CHD6: variants seen among roughly 807,000 people sequenced by gnomAD.
CHD6 encodes chromodomain helicase DNA binding protein 6.
In CHD6, 50 loss-of-function variants were observed where a neutral mutation model predicts 276.9. The ratio of observed to expected loss-of-function variants is 0.18; its 90% CI spans 0.14 to 0.23. The LOEUF is 0.23. CHD6 is among the 10% of genes least tolerant of loss of function. CHD6 has a pLI of 1.00. For synonymous variants in CHD6, 1,173 were observed against 1,229.3 expected (o/e 0.95, Z 0.96); for missense variants, 2,564 against 3,365.8 (o/e 0.76, Z 5.89).
At chr20:41,511,619 C>T (rs1349522467) in intron 5 of CHD6, among the ~76,000 whole-genome samples, 1 of 152,162 alleles carries the variant, frequency 6.6e-6, no homozygotes, top group Non-Finnish European at 1.5e-5. Context: ...TTAGGTGATA[C>T]TCAAGGCCCT....
chr20:41,589,766 T>C (rs1434481243), intron 1 of CHD6, among the ~76,000 whole-genome samples: 1 of 152,208 alleles, frequency 6.6e-6, no homozygotes, highest in African/African-American at 2.4e-5. Context: ...ATAGGAAGAA[T>C]CAATATCGTG....
At chr20:41,514,234 G>C (rs1000148557) in intron 4 of CHD6, among the ~76,000 whole-genome samples, 13 of 152,144 alleles carry the variant, frequency 8.5e-5, no homozygotes, top group African/African-American at 3.1e-4. Flanking sequence ...GAATATCAGA[G>C]GAAACAAAGC....
At chr20:41,450,816 C>T in intron 23 of CHD6, 130 bp downstream of exon 23, 3 of 828,286 alleles carry the variant, frequency 3.6e-6, no homozygotes, top group Non-Finnish European at 5.8e-6. Context: ...CCACAGATAA[C>T]ACATCCTGTC....
chr20:41,487,087 A>G (rs1211772878), intron 14 of CHD6, among the ~76,000 whole-genome samples: 1 of 152,178 alleles, frequency 6.6e-6, no homozygotes, highest in African/African-American at 2.4e-5. Flanking sequence ...TCCCTAGTAG[A>G]GTATTTATTA....
intron 25 of CHD6, among the ~76,000 whole-genome samples, chr20:41,440,710 G>T (rs539520806): frequency 6.6e-6 from 1 of 152,312 alleles, no homozygotes; most frequent in South Asian, 2.1e-4. Context: ...TGACCCAGAA[G>T]AGGGGCCTCA....
In CHD6 at chr20:41,404,028, G is replaced by A. The variant is rs1330407364; in HGVS notation, c.*565C>T. ...AGGTTTTTGTTTTTTATAAAGAAAT[G>A]AATATATGTATTTTCAACCATTAGT... On this transcript the variant is annotated 3_prime_UTR_variant, in exon 37 of 37. Transcript: ENST00000373233. 1 of 1,048,718 alleles carries A rather than the reference G, an allele frequency of 9.5e-7. No homozygotes were observed. The highest frequency in any genetic ancestry group is 5.5e-5 in the East Asian group (1 of 18,198). 65.0% of individuals were successfully genotyped at this position (1,048,718 alleles called of 1,614,324 possible). A position where few individuals can be genotyped will look rare whatever the true frequency, so the allele number is the denominator to read the frequency against.
intron 25 of CHD6, among the ~76,000 whole-genome samples, chr20:41,443,269 T>C (rs1239119426): frequency 6.6e-6 from 1 of 152,222 alleles, no homozygotes; most frequent in East Asian, 1.9e-4. Flanking sequence ...GGGCTGACTC[T>C]ATCTCCAATA....
chr20:41,439,858 A>T, intron 26 of CHD6, 142 bp downstream of exon 26: 1 of 774,958 alleles, frequency 1.3e-6, no homozygotes, highest in Non-Finnish European at 2.1e-6. Flanking sequence ...AGTAGCAATT[A>T]TGGAAAACAG....
At chr20:41,511,248 T>G (rs2044110828) in intron 5 of CHD6, among the ~76,000 whole-genome samples, 1 of 152,226 alleles carries the variant, frequency 6.6e-6, no homozygotes, top group African/African-American at 2.4e-5. Context: ...ATATTTGTGC[T>G]GCTACTGCTC....
chr20:41,472,939 A>C (rs2294566), intron 17 of CHD6: 39,453 of 168,982 alleles, frequency 0.23, 4,836 homozygotes, highest in East Asian at 0.39. Context: ...TAACTCGTTT[A>C]CTGTACATGA....
At chr20:41,444,847 T>C (rs1042285612) in intron 25 of CHD6, among the ~76,000 whole-genome samples, 6 of 152,152 alleles carry the variant, frequency 3.9e-5, no homozygotes, top group Non-Finnish European at 8.8e-5. Context: ...GAGAAGCTTA[T>C]GACTTGCCCA....
At chr20:41,554,999 C>A (rs1376422945) in intron 1 of CHD6, among the ~76,000 whole-genome samples, 1 of 149,366 alleles carries the variant, frequency 6.7e-6, no homozygotes, top group African/African-American at 2.5e-5. Context: ...GGCGGCTGGC[C>A]GGGCGGGGGG....
chr20:41,457,689 C>T (rs1441337919), intron 17 of CHD6, among the ~76,000 whole-genome samples: 1 of 152,214 alleles, frequency 6.6e-6, no homozygotes, highest in Non-Finnish European at 1.5e-5. Context: ...CATCCTGTGC[C>T]CCCGCCCTGC....
chr20:41,440,712 G>C (rs1027258952), intron 25 of CHD6, among the ~76,000 whole-genome samples: 1 of 152,172 alleles, frequency 6.6e-6, no homozygotes, highest in Non-Finnish European at 1.5e-5. Flanking sequence ...ACCCAGAAGA[G>C]GGGCCTCAAA....
At chr20:41,603,137 G>C (rs2045790205) in intron 1 of CHD6, among the ~76,000 whole-genome samples, 1 of 152,060 alleles carries the variant, frequency 6.6e-6, no homozygotes, top group African/African-American at 2.4e-5. Context: ...TGGATCACTT[G>C]AGGTCAGGAG....
intron 1 of CHD6, among the ~76,000 whole-genome samples, chr20:41,559,494 T>C (rs2045278706): frequency 6.6e-6 from 1 of 152,206 alleles, no homozygotes; most frequent in Non-Finnish European, 1.5e-5. Context: ...CTTTGAGTGC[T>C]TTGCAGCATT....
In CHD6 at chr20:41,488,528, T is replaced by C; in HGVS notation, c.1757A>G (p.Glu586Gly). The C allele has an allele frequency of 6.2e-7, 1 of 1,613,970 alleles. No homozygotes were observed. The change falls in exon 13 of 37, where the codon GAG becomes GGG. Residue 586 changes from glutamate (E) to glycine (G), a missense_variant. Physicochemically the swap from Glu to Gly is moderately conservative, Grantham distance 98. Transcript: ENST00000373233. Reference protein sequence around the residue: ...TFEMILADCPELKKIHWSCVI... With the variant: ...TFEMILADCPGLKKIHWSCVI... ...ACAGCTCCAGTGAATCTTCTTCAAC[T>C]CTGGGCAGTCTGCTAGGATCATTTC...
chr20:41,522,828 T>C (rs2044436834), intron 3 of CHD6, among the ~76,000 whole-genome samples: 1 of 152,208 alleles, frequency 6.6e-6, no homozygotes, highest in Non-Finnish European at 1.5e-5. Flanking sequence ...ATTCCTAGAC[T>C]ATAAAAGAGC....
At chr20:41,439,438 T>C (rs1189099433) in intron 26 of CHD6, among the ~76,000 whole-genome samples, 2 of 152,234 alleles carry the variant, frequency 1.3e-5, no homozygotes, top group Non-Finnish European at 2.9e-5. Context: ...TTTTCCTATG[T>C]ATTTATGTCA....
Sources: allele counts gnomAD v4.1 joint callset (sites outside exome capture counted in the v4.1 genomes callset), GRCh38; gene constraint gnomAD v4.1.1; transcripts MANE v1.5; gene names NCBI Gene and HGNC (gene_info 2026-07-23, HGNC 2026-07-21).